The following DENND5B variants were observed in gnomAD, a reference collection of about 807,000 sequenced individuals.
The protein encoded by DENND5B is DENN domain containing 5B, also known as DENN domain-containing protein 5B.
In DENND5B, 34 loss-of-function variants were observed where a neutral mutation model predicts 140.6. The observed-to-expected ratio is 0.24, with a 90% confidence interval of 0.18 to 0.32. The LOEUF (loss-of-function observed/expected upper bound fraction) is 0.32, where lower values mean the gene tolerates loss of function less well. DENND5B is among the 10% of genes least tolerant of loss of function. The pLI is 1.00. For missense variants in DENND5B, 1,142 were observed against 1,560.2 expected, an observed-to-expected ratio of 0.73 and a Z score of 4.52; for synonymous variants, 551 against 562.1, an observed-to-expected ratio of 0.98 and a Z score of 0.28.
chr12:31,494,032 A>G (rs1192978668), intron 2 of DENND5B, among the ~76,000 whole-genome samples: 1 of 152,090 alleles, frequency 6.6e-6, no homozygotes, highest in South Asian at 2.1e-4. Context: ...GTTTATGAAC[A>G]TCTCAAATAT....
chr12:31,417,356 CA>C (rs767142927), intron 11 of DENND5B, among the ~76,000 whole-genome samples: 3,088 of 40,120 alleles, frequency 0.077, 21 homozygotes, highest in Middle Eastern at 0.098. Flanking sequence ...GACTCTGTCT[CA>C]AAAAAAAAAA....
At chr12:31,469,716 C>G (rs1015339391) in intron 3 of DENND5B, among the ~76,000 whole-genome samples, 6 of 152,120 alleles carry the variant, frequency 3.9e-5, no homozygotes, top group Admixed American at 3.3e-4. Context: ...GGGGGTGGAT[C>G]TCTCATGAAT....
chr12:31,392,169 T>A (rs708218), intron 19 of DENND5B, 98 bp downstream of exon 19: 4 of 1,297,060 alleles, frequency 3.1e-6, no homozygotes, highest in Non-Finnish European at 2.1e-6. Flanking sequence ...AATATATATA[T>A]CCTTATCACT....
intron 17 of DENND5B, chr12:31,396,329 T>A (rs1383532096): frequency 1.3e-5 from 2 of 150,306 alleles, no homozygotes; most frequent in East Asian, 3.9e-4. Context: ...CTCAGCATAA[T>A]GCCTGGCCAG....
In DENND5B at chr12:31,396,830, C is replaced by A. The variant is rs562006914; in HGVS notation, c.3256+1345G>T. Among the ~76,000 whole-genome samples, 3 of 152,178 alleles carry A rather than the reference C, an allele frequency of 2.0e-5. No individual in the cohort carries two copies. The South Asian group carries it at 6.2e-4, about 32-fold the overall frequency. On this transcript the variant is annotated intron_variant, in intron 17 of 20. Coordinates refer to ENST00000389082, the MANE Select transcript of DENND5B (RefSeq NM_144973.4). ...AGAGACGGGGTTTTGCTATGTTGGC[C>A]AGGTTGGCCTCAAACTCCTGATCTC... is the stretch of plus-strand genomic sequence containing the variant.
intron 7 of DENND5B, among the ~76,000 whole-genome samples, chr12:31,438,556 AG>A (rs1203817438): frequency 1.3e-5 from 2 of 152,084 alleles, no homozygotes; most frequent in African/African-American, 4.8e-5. Flanking sequence ...GACTGTAAAA[AG>A]GATACAAAAA....
rs568715167 is a variant in DENND5B at position 31,384,189 on chromosome 12, C to T, written c.*3414G>A. ...CTTATGAGCCACATAAAAACTAAGT[C>T]CTTTGTTTTGTTTTTTTGAGATGGG... is the stretch of plus-strand genomic sequence containing the variant. On this transcript the variant is annotated 3_prime_UTR_variant, in exon 21 of 21. Coordinates refer to ENST00000389082, the MANE Select transcript of DENND5B (RefSeq NM_144973.4). 2 of 152,100 alleles carry T rather than the reference C, an allele frequency of 1.3e-5. No individual in the cohort carries two copies. Among genetic ancestry groups the T allele is most frequent in the Admixed American group, 1.3e-4 (2 of 15,258 alleles). The allele number at this position is 152,100 out of a possible 1,614,324, so 9.4% of individuals were successfully genotyped here. A position where few individuals can be genotyped will look rare whatever the true frequency, so the allele number is the denominator to read the frequency against.
intron 1 of DENND5B, among the ~76,000 whole-genome samples, chr12:31,503,004 G>C (rs1183202374): frequency 6.6e-6 from 1 of 152,096 alleles, no homozygotes; most frequent in Non-Finnish European, 1.5e-5. Flanking sequence ...AAACATCCAA[G>C]TCCTTGGTTA....
Position 31,409,454 on chromosome 12 carries a change from T to C in DENND5B, c.2682-70A>G, listed in dbSNP as rs1593088569. 3.8e-5 allele frequency: 37 copies of C among 969,048 alleles called. No homozygotes were observed. In the South Asian group the frequency reaches 9.8e-4, roughly 26 times the overall value. 60.0% of individuals were successfully genotyped at this position (969,048 alleles called of 1,614,324 possible). On this transcript the variant is annotated intron_variant, in intron 13 of 20. Transcript: ENST00000389082. The stretch of plus-strand genomic sequence containing the variant: ...AAAAAAAAAAACCAAGACAGTAGTA[T>C]CATGTACTTTTCATTATGTCTTTTT...
intron 1 of DENND5B, among the ~76,000 whole-genome samples, chr12:31,550,978 G>C (rs906500965): frequency 6.6e-6 from 1 of 151,708 alleles, no homozygotes; most frequent in African/African-American, 2.4e-5. Flanking sequence ...TGTCAGATGA[G>C]TAGGTTGCAA....
intron 1 of DENND5B, among the ~76,000 whole-genome samples, chr12:31,521,421 G>A (rs547692684): frequency 9.0e-4 from 137 of 151,998 alleles, no homozygotes; most frequent in African/African-American, 3.2e-3. Flanking sequence ...AGAGCAGCTT[G>A]GGAATACAGG....
chr12:31,429,289 G>C (rs1257513845), intron 8 of DENND5B, among the ~76,000 whole-genome samples: 1 of 152,194 alleles, frequency 6.6e-6, no homozygotes, highest in Non-Finnish European at 1.5e-5. Flanking sequence ...TTACATGCAT[G>C]AGCCACCCTG....
intron 11 of DENND5B, among the ~76,000 whole-genome samples, chr12:31,416,922 CT>C (rs34652580): frequency 0.46 from 59,697 of 130,190 alleles, 14,014 homozygotes; most frequent in Non-Finnish European, 0.54. Flanking sequence ...TTTTAATTAG[CT>C]TTTTTTTTTT....
At position 31,496,711 on chromosome 12, in the gene DENND5B, TTTTTTTTAATAAA is replaced by T. The variant is rs562969444; in HGVS notation, c.128-805_128-793del. On this transcript the variant is annotated intron_variant, in intron 1 of 20. Coordinates refer to ENST00000389082, the MANE Select transcript of DENND5B (RefSeq NM_144973.4). ...AGACCCCGTTTCTTTTCTTCCTATT[TTTTTTTTAATAAA>T]TTTTTTAAAAAGTAAAACATTGAAA... 9.4e-3 allele frequency among the ~76,000 whole-genome samples: 1,435 copies of T among 152,160 alleles called. 28 individuals carry two copies. The highest frequency in any genetic ancestry group is 0.033 in the African/African-American group (1,375 of 41,480).
At chr12:31,523,215 C>T (rs1947965944) in intron 1 of DENND5B, among the ~76,000 whole-genome samples, 1 of 152,100 alleles carries the variant, frequency 6.6e-6, no homozygotes, top group South Asian at 2.1e-4. Context: ...TGCACCACCA[C>T]ACCTGCCTGG....
intron 1 of DENND5B, chr12:31,541,058 G>A (rs1413031066): frequency 2.3e-6 from 1 of 437,284 alleles, no homozygotes; most frequent in Non-Finnish European, 4.5e-6. Flanking sequence ...AAAATCAAAT[G>A]AAAATGGGTT....
intron 1 of DENND5B, among the ~76,000 whole-genome samples, chr12:31,575,385 C>T (rs1949976250): frequency 6.6e-6 from 1 of 152,166 alleles, no homozygotes; most frequent in Non-Finnish European, 1.5e-5. Flanking sequence ...AGGAGGACTA[C>T]ATCAGGGAAT....
chr12:31,448,675 C>T (rs1012423683), intron 5 of DENND5B, among the ~76,000 whole-genome samples: 3 of 152,144 alleles, frequency 2.0e-5, no homozygotes, highest in Admixed American at 1.3e-4. Context: ...TCCTTCCACA[C>T]CTGTGCTGAC....
At chr12:31,528,760 A>G (rs556076957) in intron 1 of DENND5B, among the ~76,000 whole-genome samples, 14 of 152,334 alleles carry the variant, frequency 9.2e-5, no homozygotes, top group African/African-American at 3.1e-4. Context: ...CTAACTGGAG[A>G]TGTTAAGACA....
Sources: gnomAD v4.1 joint callset for allele counts (sites outside exome capture counted in the v4.1 genomes callset) on GRCh38, gnomAD v4.1.1 for gene constraint, MANE v1.5 for transcripts, NCBI Gene and HGNC (gene_info 2026-07-23, HGNC 2026-07-21) for gene names.